Variants in THADA observed in about 807,000 individuals in gnomAD.
THADA encodes the protein THADA armadillo repeat containing.
Under a neutral mutation model 219.8 loss-of-function variants are expected in THADA, and 213 were observed. That is an observed-to-expected ratio of 0.97 (90% CI 0.87 to 1.09). The LOEUF (loss-of-function observed/expected upper bound fraction) is 1.09. Ranked by LOEUF, THADA falls within the 50% of genes least tolerant of loss-of-function variation. The pLI is 0.00. For missense variants in THADA, 2,956 were observed against 2,311.3 expected (o/e 1.28, Z -5.72); for synonymous variants, 1,018 against 828.9 (o/e 1.23, Z -3.92).
At chr2:43,484,063 T>C (rs1262659205) in intron 26 of THADA, among the ~76,000 whole-genome samples, 1 of 151,862 alleles carries the variant, frequency 6.6e-6, no homozygotes, top group African/African-American at 2.4e-5. Context: ...TCCACAAGAG[T>C]AATGTTTTAT....
intron 19 of THADA, among the ~76,000 whole-genome samples, chr2:43,550,264 T>A (rs1351725672): frequency 6.6e-6 from 1 of 152,248 alleles, no homozygotes; most frequent in Non-Finnish European, 1.5e-5. Flanking sequence ...AACCGGTATT[T>A]ATTGTACATC....
chr2:43,334,259 T>C (rs199644069), intron 30 of THADA, among the ~76,000 whole-genome samples: 4 of 151,256 alleles, frequency 2.6e-5, no homozygotes, highest in East Asian at 2.0e-4. Flanking sequence ...GGAGTATGGA[T>C]GAGGGGGATG....
At chr2:43,341,495 G>A (rs1667055423) in intron 30 of THADA, among the ~76,000 whole-genome samples, 1 of 152,106 alleles carries the variant, frequency 6.6e-6, no homozygotes, top group South Asian at 2.1e-4. Context: ...GCCATCTTCA[G>A]GCACTGCACA....
intron 28 of THADA, among the ~76,000 whole-genome samples, chr2:43,423,755 C>T (rs1032014090): frequency 2.0e-5 from 3 of 152,036 alleles, no homozygotes; most frequent in Non-Finnish European, 2.9e-5. Context: ...AGGTTTGAGG[C>T]ATATGTGGTT....
chr2:43,456,364 C>A (rs1682997608), intron 26 of THADA, among the ~76,000 whole-genome samples: 1 of 152,124 alleles, frequency 6.6e-6, no homozygotes, highest in African/African-American at 2.4e-5. Context: ...AAGGCTGCTA[C>A]TACATCATGG....
At chr2:43,238,293 G>T (rs1668272833) in intron 36 of THADA, among the ~76,000 whole-genome samples, 1 of 151,940 alleles carries the variant, frequency 6.6e-6, no homozygotes, top group South Asian at 2.1e-4. Flanking sequence ...GAGAAAATAT[G>T]AACAAATCCT....
chr2:43,406,858 G>A (rs1675598331), intron 28 of THADA, among the ~76,000 whole-genome samples: 1 of 152,190 alleles, frequency 6.6e-6, no homozygotes, highest in South Asian at 2.1e-4. Context: ...GGGCTGGGAT[G>A]AGCTGCATGT....
rs1276642241 is a variant in THADA at position 43,581,643 on chromosome 2, T to G, written c.721+98A>C. ...AGTAAGGACACATTCCACATCTCAG[T>G]TAAGTATCACATTTCACACTATTAG... is the stretch of plus-strand genomic sequence containing the variant. On this transcript the variant is annotated intron_variant, in intron 8 of 37. Coordinates refer to ENST00000405975, the MANE Select transcript of THADA (RefSeq NM_022065.5). The G allele has an allele frequency of 5.7e-6, 6 of 1,058,518 alleles. No homozygotes were observed. In the East Asian group the frequency reaches 1.5e-4, roughly 27 times the overall value. 65.6% of individuals were successfully genotyped at this position (1,058,518 alleles called of 1,614,324 possible).
chr2:43,278,563 C>T (rs886225087), intron 36 of THADA, among the ~76,000 whole-genome samples: 1 of 152,204 alleles, frequency 6.6e-6, no homozygotes, highest in Non-Finnish European at 1.5e-5. Flanking sequence ...TGAGGGGAGC[C>T]TGCTTGCATA....
At chr2:43,423,338 T>A (rs1677969488) in intron 28 of THADA, among the ~76,000 whole-genome samples, 1 of 152,192 alleles carries the variant, frequency 6.6e-6, no homozygotes, top group African/African-American at 2.4e-5. Flanking sequence ...CTCAAAAGAA[T>A]TTTCACTTGG....
intron 21 of THADA, among the ~76,000 whole-genome samples, chr2:43,534,281 C>A (rs987246424): frequency 3.3e-5 from 5 of 152,064 alleles, no homozygotes; most frequent in African/African-American, 1.2e-4. Context: ...TCAGAATAAT[C>A]AGCTTATCCA....
chr2:43,296,195 G>C (rs1675356749), intron 31 of THADA, among the ~76,000 whole-genome samples: 1 of 151,932 alleles, frequency 6.6e-6, no homozygotes, highest in South Asian at 2.1e-4. Flanking sequence ...TGGGATTACA[G>C]CGTGAGCCAC....
At chr2:43,397,905 G>A in intron 29 of THADA, 66 bp downstream of exon 29, 2 of 1,545,016 alleles carry the variant, frequency 1.3e-6, no homozygotes, top group Non-Finnish European at 1.8e-6. Flanking sequence ...CCAGCTAACA[G>A]TACATAAGAA....
chr2:43,493,061 G>C (rs1159843267), intron 25 of THADA, among the ~76,000 whole-genome samples: 3 of 152,148 alleles, frequency 2.0e-5, no homozygotes, highest in Non-Finnish European at 4.4e-5. Context: ...TGGAGATGCT[G>C]GTGCCAACAG....
intron 36 of THADA, among the ~76,000 whole-genome samples, chr2:43,260,346 T>C (rs1670799827): frequency 1.3e-5 from 2 of 152,216 alleles, no homozygotes; most frequent in Non-Finnish European, 2.9e-5. Flanking sequence ...TTCATGCGTG[T>C]CCTGTTCACA....
Position 43,462,717 on chromosome 2 carries a change from G to A in THADA, c.3836+22517C>T, listed in dbSNP as rs943025218. On this transcript the variant is annotated intron_variant, in intron 26 of 37. Transcript: ENST00000405975. The stretch of plus-strand genomic sequence containing the variant: ...ACTGTGCCCTATGGTTGCCATTTGC[G>A]GGGATACAAAGATGAATTTGGCTTT... Among the ~76,000 whole-genome samples the A allele has an allele frequency of 2.6e-5, 4 of 152,084 alleles. 1 individual carries two copies. Among genetic ancestry groups the A allele is most frequent in the Admixed American group, 1.3e-4 (2 of 15,264 alleles).
At chr2:43,515,893 C>A (rs1201491116) in intron 22 of THADA, among the ~76,000 whole-genome samples, 2 of 152,064 alleles carry the variant, frequency 1.3e-5, no homozygotes, top group Non-Finnish European at 2.9e-5. Flanking sequence ...ACTAGACATG[C>A]CAAACTTAAC....
intron 36 of THADA, among the ~76,000 whole-genome samples, chr2:43,276,561 G>C (rs1224617220): frequency 6.6e-6 from 1 of 152,156 alleles, no homozygotes; most frequent in Non-Finnish European, 1.5e-5. Flanking sequence ...TATTCTACAG[G>C]TTCCAGAAAG....
At chr2:43,275,441 G>C (rs1572874466) in intron 36 of THADA, among the ~76,000 whole-genome samples, 2 of 152,166 alleles carry the variant, frequency 1.3e-5, no homozygotes, top group Admixed American at 6.5e-5. Context: ...AAGCCTGAGG[G>C]AAGTCCAGAA....
Sources: gnomAD v4.1 joint callset for allele counts (sites outside exome capture counted in the v4.1 genomes callset) on GRCh38, gnomAD v4.1.1 for gene constraint, MANE v1.5 for transcripts, NCBI Gene and HGNC (gene_info 2026-07-23, HGNC 2026-07-21) for gene names.